AK5: variants seen among roughly 807,000 people sequenced by gnomAD.
AK5 encodes the protein adenylate kinase 5.
Under a neutral mutation model 69.5 loss-of-function variants are expected in AK5, and 27 were observed. That is an observed-to-expected ratio of 0.39 (90% CI 0.29 to 0.54). AK5 has a LOEUF of 0.54. Among genes scored for constraint, AK5 ranks in the 20% least tolerant of loss-of-function variants. The pLI is 0.71. For missense variants in AK5, 531 were observed against 700.4 expected, an observed-to-expected ratio of 0.76 and a Z score of 2.73; for synonymous variants, 260 against 244.4, an observed-to-expected ratio of 1.06 and a Z score of -0.60.
chr1:77,529,571 C>T (rs1305838206), intron 12 of AK5, among the ~76,000 whole-genome samples: 1 of 152,194 alleles, frequency 6.6e-6, no homozygotes, highest in Non-Finnish European at 1.5e-5. Context: ...GATCTGCCCA[C>T]CTCGGCCTCC....
In AK5 at chr1:77,462,770, T is replaced by G. The variant is rs971964502; in HGVS notation, c.1060-20547T>G. Among the ~76,000 whole-genome samples, 5 of 152,316 alleles carry G rather than the reference T, an allele frequency of 3.3e-5. No homozygotes were observed. The East Asian group carries it at 9.7e-4, about 29-fold the overall frequency. On this transcript the variant is annotated intron_variant, in intron 8 of 13. Coordinates refer to ENST00000354567, the MANE Select transcript of AK5 (RefSeq NM_174858.3). ...TAATCAATAAATATGGTGGTACTGTTCCCTATACTTTAAAACAATAAAACC... is the reference window on the plus strand; with the variant it reads ...TAATCAATAAATATGGTGGTACTGTGCCCTATACTTTAAAACAATAAAACC...
At chr1:77,289,704 A>C (rs1165796364) in intron 2 of AK5, among the ~76,000 whole-genome samples, 2 of 152,066 alleles carry the variant, frequency 1.3e-5, no homozygotes. Flanking sequence ...AGAACTAGAG[A>C]GAACAGTCAT....
At chr1:77,500,142 A>C (rs1656624698) in intron 10 of AK5, among the ~76,000 whole-genome samples, 1 of 151,972 alleles carries the variant, frequency 6.6e-6, no homozygotes. Flanking sequence ...TAAAACAATG[A>C]GGCATGGCTA....
chr1:77,486,219 C>A, intron 9 of AK5, 89 bp from the exon 10 acceptor site: 1 of 830,892 alleles, frequency 1.2e-6, no homozygotes, highest in Non-Finnish European at 1.9e-6. Flanking sequence ...AATAAAACTA[C>A]AAGGTTTGGG....
intron 6 of AK5, among the ~76,000 whole-genome samples, chr1:77,379,195 A>G (rs1397722322): frequency 1.3e-5 from 2 of 152,190 alleles, no homozygotes; most frequent in East Asian, 3.8e-4. Flanking sequence ...GGTAAGCCCT[A>G]GCAGAAAGCT....
chr1:77,486,480 G>C, intron 10 of AK5, 128 bp downstream of exon 10: 2 of 561,148 alleles, frequency 3.6e-6, no homozygotes, highest in Non-Finnish European at 6.2e-6. Flanking sequence ...CAGATCACGA[G>C]GTCAGGAGAT....
chr1:77,342,230 A>T (rs1328040959), intron 6 of AK5, among the ~76,000 whole-genome samples: 1 of 152,086 alleles, frequency 6.6e-6, no homozygotes, highest in Non-Finnish European at 1.5e-5. Flanking sequence ...ATTGTATCAT[A>T]AAAAAAGAAA....
chr1:77,475,465 T>TTA (rs10672519), intron 8 of AK5, among the ~76,000 whole-genome samples: 1,444 of 12,632 alleles, frequency 0.11, 115 homozygotes, highest in African/African-American at 0.35. Flanking sequence ...CAAATATATA[T>TTA]TATATATGTA....
At chr1:77,384,532 A>C (rs1465108184) in intron 6 of AK5, among the ~76,000 whole-genome samples, 1 of 152,188 alleles carries the variant, frequency 6.6e-6, no homozygotes, top group Non-Finnish European at 1.5e-5. Flanking sequence ...GAAAAGCTAC[A>C]TAAGTCGATC....
intron 6 of AK5, among the ~76,000 whole-genome samples, chr1:77,361,525 T>C (rs911669418): frequency 6.6e-6 from 1 of 152,174 alleles, no homozygotes; most frequent in African/African-American, 2.4e-5. Flanking sequence ...AAGCAACTTA[T>C]ACAAAGTTTG....
At chr1:77,523,929 G>C (rs542192913) in intron 12 of AK5, among the ~76,000 whole-genome samples, 1 of 152,230 alleles carries the variant, frequency 6.6e-6, no homozygotes, top group African/African-American at 2.4e-5. Context: ...GCCTCCCAAA[G>C]TGCTGGGATT....
intron 10 of AK5, among the ~76,000 whole-genome samples, chr1:77,501,248 A>G (rs537989658): frequency 6.6e-6 from 1 of 152,360 alleles, no homozygotes; most frequent in Non-Finnish European, 1.5e-5. Context: ...TAGATGCATG[A>G]ATGTGATGTT....
chr1:77,390,553 G>A (rs1431128597), intron 6 of AK5, among the ~76,000 whole-genome samples: 2 of 152,042 alleles, frequency 1.3e-5, no homozygotes, highest in African/African-American at 4.8e-5. Context: ...GACAAGCCCA[G>A]ACCACTTGTA....
At chr1:77,329,320 C>T (rs1008134816) in intron 5 of AK5, among the ~76,000 whole-genome samples, 4 of 151,766 alleles carry the variant, frequency 2.6e-5, no homozygotes, top group Non-Finnish European at 5.9e-5. Flanking sequence ...CCCATCTTGA[C>T]CACTCATTTC....
chr1:77,512,175 T>G (rs1017162369), intron 10 of AK5, among the ~76,000 whole-genome samples: 2 of 152,146 alleles, frequency 1.3e-5, no homozygotes, highest in African/African-American at 4.8e-5. Flanking sequence ...AAAATAAACG[T>G]TGAGTTCTAA....
chr1:77,472,979 C>T (rs191386970), intron 8 of AK5, among the ~76,000 whole-genome samples: 3 of 122,356 alleles, frequency 2.5e-5, no homozygotes, highest in South Asian at 2.8e-4. Flanking sequence ...GCGTTGAGCC[C>T]GCCCAGATAA....
chr1:77,378,507 A>G (rs1647391268), intron 6 of AK5, among the ~76,000 whole-genome samples: 1 of 152,204 alleles, frequency 6.6e-6, no homozygotes, highest in Non-Finnish European at 1.5e-5. Flanking sequence ...TTTAGAAGAG[A>G]TAGGGTTTCA....
At chr1:77,481,468 C>T (rs1655248726) in intron 8 of AK5, among the ~76,000 whole-genome samples, 1 of 152,232 alleles carries the variant, frequency 6.6e-6, no homozygotes, top group East Asian at 1.9e-4. Context: ...TAGCTCTTCT[C>T]TTACCTGGAA....
intron 6 of AK5, among the ~76,000 whole-genome samples, chr1:77,385,112 T>G (rs966301210): frequency 6.6e-6 from 1 of 152,172 alleles, no homozygotes; most frequent in African/African-American, 2.4e-5. Flanking sequence ...GTAGTCTGAC[T>G]TCATGAAGGT....
Sources: gnomAD v4.1 joint callset for allele counts (sites outside exome capture counted in the v4.1 genomes callset) on GRCh38, gnomAD v4.1.1 for gene constraint, MANE v1.5 for transcripts, NCBI Gene and HGNC (gene_info 2026-07-23, HGNC 2026-07-21) for gene names.